GIMAP8: variants seen among roughly 807,000 people sequenced by gnomAD.
GIMAP8 encodes GTPase, IMAP family member 8, also known as GTPase IMAP family member 8.
A neutral mutation model predicts 35.6 loss-of-function variants in GIMAP8; 29 were observed. The observed-to-expected ratio is 0.81, with a 90% confidence interval of 0.61 to 1.11. The LOEUF (loss-of-function observed/expected upper bound fraction) is 1.11. Ranked by LOEUF, GIMAP8 falls within the 50% of genes most tolerant of loss-of-function variation. The probability of loss-of-function intolerance (pLI) is 0.00; values close to 1 mark genes in which losing one functional copy is unlikely to be tolerated. For synonymous variants in GIMAP8, 335 were observed against 308.7 expected (o/e 1.09, Z -0.89); for missense variants, 811 against 805.0 (o/e 1.01, Z -0.09).
rs989215953 is a variant in GIMAP8 at position 150,451,541 on chromosome 7, G to C, written c.-29+366G>C. ...ATGAGAGTGGCTGTCCTAAAAGAAG[G>C]CGTGTCGGGGAGTGGGTGTGAGCCC... On this transcript the variant is annotated intron_variant, in intron 1 of 4. Coordinates refer to ENST00000307271, the MANE Select transcript of GIMAP8 (RefSeq NM_175571.4). The surrounding 1 kb of genome is among the most constrained non-coding windows in gnomAD (Gnocchi z 4.1). Among the ~76,000 whole-genome samples the C allele has an allele frequency of 3.9e-5, 6 of 152,186 alleles. No homozygotes were observed. The highest frequency in any genetic ancestry group is 1.2e-4 in the African/African-American group (5 of 41,436).
intron 1 of GIMAP8, among the ~76,000 whole-genome samples, chr7:150,466,183 A>G (rs1262195071): frequency 6.6e-6 from 1 of 152,192 alleles, no homozygotes; most frequent in East Asian, 1.9e-4. Context: ...TGCTCTAGAC[A>G]TTTCATTGCA....
rs138720266 is a variant in GIMAP8 at position 150,477,266 on chromosome 7, C to T, written c.1484C>T (p.Pro495Leu). The change falls in exon 5 of 5, where the codon CCT becomes CTT. Residue 495 changes from proline (P) to leucine (L), a missense_variant. Coordinates refer to ENST00000307271, the MANE Select transcript of GIMAP8 (RefSeq NM_175571.4). ...CAGGAGGTGGTGGTTGTGGACACTC[C>T]TTCCTTCAACCAGATGCTGGATGTC... The part of the protein sequence containing the change: ...DGQEVVVVDT[P>L]SFNQMLDVEK... The T allele has an allele frequency of 2.5e-6, 4 of 1,614,030 alleles. No homozygotes were observed. Among genetic ancestry groups the T allele is most frequent in the South Asian group, 1.1e-5 (1 of 91,084 alleles).
At chr7:150,475,065 T>C (rs1802196786) in intron 4 of GIMAP8, among the ~76,000 whole-genome samples, 1 of 152,254 alleles carries the variant, frequency 6.6e-6, no homozygotes, top group Non-Finnish European at 1.5e-5. Flanking sequence ...CATCATTTTT[T>C]ATGGCTGCAT....
chr7:150,475,742 A>C (rs1802214323), intron 4 of GIMAP8, among the ~76,000 whole-genome samples: 2 of 152,212 alleles, frequency 1.3e-5, no homozygotes, highest in African/African-American at 4.8e-5. Context: ...ATACATGGGA[A>C]AGTCAGGAGA....
intron 1 of GIMAP8, among the ~76,000 whole-genome samples, chr7:150,458,487 A>G (rs901602986): frequency 1.3e-5 from 2 of 152,090 alleles, no homozygotes; most frequent in African/African-American, 4.8e-5. Context: ...ATCGCAAAAC[A>G]CCCTCACAGA....
chr7:150,467,437 GGTTTT>G lies in GIMAP8; in HGVS notation c.636+108_636+112del, dbSNP rs1041905726. The G allele has an allele frequency of 1.4e-5, 13 of 911,018 alleles. No homozygotes were observed. The African/African-American group carries it at 2.2e-4, about 15-fold the overall frequency. 56.4% of individuals were successfully genotyped at this position (911,018 alleles called of 1,614,324 possible). On this transcript the variant is annotated intron_variant, in intron 2 of 4. Coordinates refer to ENST00000307271, the MANE Select transcript of GIMAP8 (RefSeq NM_175571.4). ...ATATTGCATTGTGTGATGGAACATG[GGTTTT>G]GTTTAATAAGATATTTATATATAAT...
intron 1 of GIMAP8, among the ~76,000 whole-genome samples, chr7:150,464,244 C>T (rs1007085788): frequency 2.6e-5 from 4 of 152,094 alleles, no homozygotes; most frequent in African/African-American, 4.8e-5. Context: ...CAAATTGATA[C>T]GATTCTTTGT....
At chr7:150,452,072 G>A (rs1801620026) in intron 1 of GIMAP8, among the ~76,000 whole-genome samples, 1 of 152,198 alleles carries the variant, frequency 6.6e-6, no homozygotes, top group African/African-American at 2.4e-5. Flanking sequence ...CTGAGAAGGA[G>A]GCAGAGGCTG....
chr7:150,473,929 G>T (rs1340441202), intron 3 of GIMAP8, 83 bp from the exon 4 acceptor site: 3 of 1,396,358 alleles, frequency 2.1e-6, no homozygotes, highest in East Asian at 4.6e-5. Flanking sequence ...ATACAAGTTT[G>T]CAGGGATGAG....
At chr7:150,459,366 T>G (rs185555429) in intron 1 of GIMAP8, among the ~76,000 whole-genome samples, 22 of 152,104 alleles carry the variant, frequency 1.4e-4, no homozygotes, top group Non-Finnish European at 4.4e-5. Context: ...ATGGAGTCAT[T>G]GTTGTATCTC....
chr7:150,464,795 T>G (rs1260935793), intron 1 of GIMAP8, among the ~76,000 whole-genome samples: 1 of 152,250 alleles, frequency 6.6e-6, no homozygotes, highest in African/African-American at 2.4e-5. Context: ...TCTTTAAAAT[T>G]TTCTAAATAT....
chr7:150,467,393 G>A, intron 2 of GIMAP8, 59 bp downstream of exon 2: 1 of 1,366,140 alleles, frequency 7.3e-7, no homozygotes. Context: ...TGGGATGAAA[G>A]TGGGTATAAA....
At chr7:150,458,249 A>G (rs1801772708) in intron 1 of GIMAP8, among the ~76,000 whole-genome samples, 1 of 152,152 alleles carries the variant, frequency 6.6e-6, no homozygotes. Flanking sequence ...AGCAGGCTGG[A>G]GACTCAGGAA....
chr7:150,472,961 C>G lies in GIMAP8; in HGVS notation c.683-1051C>G, dbSNP rs536088014. Reference sequence around the variant, plus strand: ...TCAGGTCCTAAGGGCTTTACAGGTGCTGTTTCCTTTAGTCTTTTCAACCTC... The same window carrying G: ...TCAGGTCCTAAGGGCTTTACAGGTGGTGTTTCCTTTAGTCTTTTCAACCTC... On this transcript the variant is annotated intron_variant, in intron 3 of 4. Coordinates refer to ENST00000307271, the MANE Select transcript of GIMAP8 (RefSeq NM_175571.4). This position sits in a 1 kb window ranked among gnomAD's most constrained non-coding sequence, Gnocchi z 4.1. Among the ~76,000 whole-genome samples the G allele has an allele frequency of 3.2e-3, 481 of 152,346 alleles. 1 individual carries two copies. The highest frequency in any genetic ancestry group is 3.8e-3 in the Non-Finnish European group (258 of 68,030).
chr7:150,477,539 C>G lies in GIMAP8; in HGVS notation c.1757C>G (p.Ala586Gly), dbSNP rs1431118560. The change falls in exon 5 of 5, where the codon GCC becomes GGC. Residue 586 changes from alanine to glycine, a missense_variant. Transcript: ENST00000307271. ...TTCATGAAGAACTCAGATAACAAAG[C>G]CCTTCGGCGCATTTTTAAAAAGTGT... ...EDFMKNSDNK[A>G]LRRIFKKCGR... 10 of 1,614,186 alleles carry G rather than the reference C, an allele frequency of 6.2e-6. No homozygotes were observed. Among genetic ancestry groups the G allele is most frequent in the Non-Finnish European group, 5.9e-6 (7 of 1,180,030 alleles).
At position 150,467,026 on chromosome 7, in the gene GIMAP8, G is replaced by T; in HGVS notation, c.328G>T (p.Asp110Tyr). 6.2e-7 allele frequency: 1 copy of T among 1,614,210 alleles called. No homozygotes were observed. The highest frequency in any genetic ancestry group is 2.2e-5 in the East Asian group (1 of 44,890). Residue 110 changes from aspartate (D) to tyrosine (Y), a missense_variant, in exon 2 of 5, where the codon GAT becomes TAT. Transcript: ENST00000307271. The stretch of plus-strand genomic sequence containing the variant: ...TGCCATCGGCCATTTCACAAGGGAG[G>T]ATGAGGAAACAGCCAAGGGCATCCA... Reference protein sequence around the residue: ...VIAIGHFTREDEETAKGIQQV... With the variant: ...VIAIGHFTREYEETAKGIQQV...
intron 1 of GIMAP8, among the ~76,000 whole-genome samples, chr7:150,463,576 G>A (rs931955931): frequency 2.0e-5 from 3 of 152,212 alleles, no homozygotes; most frequent in Admixed American, 1.3e-4. Context: ...GTGCAGTAGT[G>A]TAGTCTTCAT....
In GIMAP8 at chr7:150,477,444, A is replaced by C; in HGVS notation, c.1662A>C (p.Ala554=). ...CGAAACTGGAGGCCATCTTTGGAGCAGACTTTACGAAATACGCGATTATGC... is the reference window on the plus strand; with the variant it reads ...CGAAACTGGAGGCCATCTTTGGAGCCGACTTTACGAAATACGCGATTATGC... The part of the protein sequence containing the change: ...AVAKLEAIFG[A]DFTKYAIMLF... The change falls in exon 5 of 5, where the codon GCA becomes GCC. Residue 554 remains alanine, a synonymous_variant. Coordinates refer to ENST00000307271, the MANE Select transcript of GIMAP8 (RefSeq NM_175571.4). The C allele has an allele frequency of 6.2e-7, 1 of 1,613,730 alleles. No individual in the cohort carries two copies.
intron 2 of GIMAP8, 52 bp from the exon 3 acceptor site, chr7:150,470,777 G>GTTTTTT: frequency 6.0e-6 from 3 of 501,994 alleles, no homozygotes; most frequent in South Asian, 5.6e-5. Context: ...TTCAGTTTGT[G>GTTTTTT]GAAGATGAGG....
Sources: gnomAD v4.1 joint callset for allele counts (sites outside exome capture counted in the v4.1 genomes callset) on GRCh38, gnomAD v4.1.1 for gene constraint, Gnocchi (gnomAD v3.1) non-coding constraint, MANE v1.5 for transcripts, NCBI Gene and HGNC (gene_info 2026-07-23, HGNC 2026-07-21) for gene names.